FER: variants seen among roughly 807,000 people sequenced by gnomAD.
FER encodes FER tyrosine kinase, also known as tyrosine-protein kinase Fer.
FER carries 63 observed loss-of-function variants against 111.0 expected under a neutral mutation model. The observed-to-expected ratio is 0.57, with a 90% confidence interval of 0.46 to 0.70. The LOEUF is 0.70. FER is among the 30% of genes least tolerant of loss of function. The pLI, the probability that FER is intolerant of heterozygous loss-of-function variation, is 0.00. For synonymous variants in FER, 327 were observed against 313.9 expected (o/e 1.04, Z -0.44); for missense variants, 914 against 954.0 (o/e 0.96, Z 0.55).
chr5:109,125,813 G>A (rs1751641008), intron 17 of FER, among the ~76,000 whole-genome samples: 1 of 152,048 alleles, frequency 6.6e-6, no homozygotes, highest in Non-Finnish European at 1.5e-5. Flanking sequence ...AATAGTTTTA[G>A]AATAAGAACA....
chr5:109,169,905 G>A (rs1756930428), intron 17 of FER, among the ~76,000 whole-genome samples: 1 of 152,160 alleles, frequency 6.6e-6, no homozygotes, highest in Admixed American at 6.6e-5. Context: ...GTACAAAGAA[G>A]AAAATCTTGC....
chr5:109,026,065 A>G (rs1030745592), intron 13 of FER, among the ~76,000 whole-genome samples: 2 of 152,194 alleles, frequency 1.3e-5, no homozygotes, highest in Admixed American at 6.6e-5. Flanking sequence ...AAATATTCAT[A>G]TGTGTACAGA....
In FER at chr5:108,872,454, A is replaced by G. The variant is rs531020042; in HGVS notation, c.923+242A>G. On this transcript the variant is annotated intron_variant, in intron 8 of 19. Coordinates refer to ENST00000281092, the MANE Select transcript of FER (RefSeq NM_005246.4). ...TGCCCAATTGTTGCTAGTATTTGAC[A>G]TTGGAATAATGCTTTATGCTTTTCA... Among the ~76,000 whole-genome samples, 42 of 152,208 alleles carry G rather than the reference A, an allele frequency of 2.8e-4. 1 individual carries two copies. Among genetic ancestry groups the G allele is most frequent in the Middle Eastern group, 3.4e-3 (1 of 294 alleles).
chr5:109,010,751 G>A (rs1766157880), intron 13 of FER, among the ~76,000 whole-genome samples: 1 of 152,044 alleles, frequency 6.6e-6, no homozygotes, highest in Non-Finnish European at 1.5e-5. Flanking sequence ...AAGTCCTGCT[G>A]ACTATAAATT....
intron 13 of FER, among the ~76,000 whole-genome samples, chr5:108,977,122 T>C (rs1426579921): frequency 6.6e-6 from 1 of 152,190 alleles, no homozygotes; most frequent in African/African-American, 2.4e-5. Flanking sequence ...CTCACCACAA[T>C]AGCAGTGAGA....
chr5:108,959,118 G>A, intron 12 of FER, 107 bp from the exon 13 acceptor site: 3 of 1,117,622 alleles, frequency 2.7e-6, no homozygotes, highest in Non-Finnish European at 3.8e-6. Flanking sequence ...TATTCACATT[G>A]TTGTGCAATT....
At chr5:108,987,102 T>A (rs1561723274) in intron 13 of FER, among the ~76,000 whole-genome samples, 1 of 152,170 alleles carries the variant, frequency 6.6e-6, no homozygotes, top group African/African-American at 2.4e-5. Flanking sequence ...TCCATTTGTT[T>A]GTTTTTTCTG....
intron 17 of FER, among the ~76,000 whole-genome samples, chr5:109,109,947 A>G (rs1368289652): frequency 6.6e-6 from 1 of 152,154 alleles, no homozygotes; most frequent in Non-Finnish European, 1.5e-5. Context: ...TTTTAAACAT[A>G]GGGCTATACT....
intron 13 of FER, among the ~76,000 whole-genome samples, chr5:109,002,658 A>G (rs1200895871): frequency 6.6e-6 from 1 of 152,258 alleles, no homozygotes; most frequent in Non-Finnish European, 1.5e-5. Flanking sequence ...TGCACAGCAA[A>G]AGAAACTACT....
chr5:108,803,761 G>A (rs75944813), intron 3 of FER, among the ~76,000 whole-genome samples: 114 of 152,026 alleles, frequency 7.5e-4, no homozygotes, highest in Non-Finnish European at 9.1e-4. Flanking sequence ...TTGAACTTGC[G>A]TAACATCAAG....
At chr5:109,013,308 C>G (rs138812563) in intron 13 of FER, among the ~76,000 whole-genome samples, 17,259 of 147,170 alleles carry the variant, frequency 0.12, 1,349 homozygotes, top group Middle Eastern at 0.24. Context: ...CAATTCCCAC[C>G]TATGAGTGAG....
chr5:109,011,743 T>G lies in FER; in HGVS notation c.1657-25679T>G, dbSNP rs56129701. The stretch of plus-strand genomic sequence containing the variant: ...CTCATTCAAATTAAATCAAACCCAA[T>G]AAATCTACAGACCTGTGCAGATTCA... On this transcript the variant is annotated intron_variant, in intron 13 of 19. Transcript: ENST00000281092. 8.3e-3 allele frequency among the ~76,000 whole-genome samples: 1,261 copies of G among 152,332 alleles called. 19 individuals carry two copies. Among genetic ancestry groups the G allele is most frequent in the African/African-American group, 0.028 (1,180 of 41,588 alleles).
In FER at chr5:108,954,741, A is replaced by T; in HGVS notation, c.1342A>T (p.Ile448Phe). ...ATATTTGTTTAAGCTTTCTGATATG[A>T]TCTCCATCAGTGAGAAGCCTTTGGC... ...ALGSSALSDMISISEKPLAEQ... is the reference protein window; with the variant it reads ...ALGSSALSDMFSISEKPLAEQ... The change falls in exon 12 of 20, where the codon ATC (isoleucine) becomes TTC (phenylalanine). Residue 448 changes from isoleucine to phenylalanine, a missense_variant. Ile to Phe is a conservative substitution (Grantham distance 21). Transcript: ENST00000281092. 1 of 1,584,786 alleles carries T rather than the reference A, an allele frequency of 6.3e-7. No individual in the cohort carries two copies. The highest frequency in any genetic ancestry group is 2.3e-5 in the East Asian group (1 of 44,140).
intron 6 of FER, among the ~76,000 whole-genome samples, chr5:108,869,003 T>C (rs991300189): frequency 6.6e-6 from 1 of 152,032 alleles, no homozygotes; most frequent in African/African-American, 2.4e-5. Context: ...TTTTTTTTTG[T>C]GCATAAAATC....
Position 109,113,363 on chromosome 5 carries a change from AAT to A in FER, c.2048+12849_2048+12850del, listed in dbSNP as rs1749854753. Among the ~76,000 whole-genome samples, 3 of 152,264 alleles carry A rather than the reference AAT, an allele frequency of 2.0e-5. No individual in the cohort carries two copies. The South Asian group carries it at 6.2e-4, about 32-fold the overall frequency. On this transcript the variant is annotated intron_variant, in intron 17 of 19. Coordinates refer to ENST00000281092, the MANE Select transcript of FER (RefSeq NM_005246.4). ...GGTGTAGACTATATATACCTACTCA[AAT>A]ATATTTCTTTTTCTAATTTTTTAAA...
intron 14 of FER, 25 bp from the exon 15 acceptor site, chr5:109,044,655 A>C: frequency 8.4e-7 from 1 of 1,193,910 alleles, no homozygotes; most frequent in Non-Finnish European, 1.2e-6. Context: ...TTTACCCCAG[A>C]CAATGAATGT....
At chr5:108,750,280 A>AAG (rs397794117) in intron 1 of FER, among the ~76,000 whole-genome samples, 2 of 151,850 alleles carry the variant, frequency 1.3e-5, no homozygotes, top group Non-Finnish European at 2.9e-5. Context: ...AAAAAAAAAA[A>AAG]CTATTGCAAA....
intron 5 of FER, among the ~76,000 whole-genome samples, chr5:108,841,559 C>G (rs1435125957): frequency 6.6e-6 from 1 of 152,106 alleles, no homozygotes; most frequent in Non-Finnish European, 1.5e-5. Flanking sequence ...TACTGTTTGC[C>G]ATGATGTGCC....
intron 17 of FER, among the ~76,000 whole-genome samples, chr5:109,103,250 A>G (rs752520983): frequency 6.6e-6 from 1 of 152,170 alleles, no homozygotes; most frequent in Non-Finnish European, 1.5e-5. Flanking sequence ...TCTTCTTTAA[A>G]TTTTATATGA....
Sources: gnomAD v4.1 joint callset for allele counts (sites outside exome capture counted in the v4.1 genomes callset) on GRCh38, gnomAD v4.1.1 for gene constraint, MANE v1.5 for transcripts, NCBI Gene and HGNC (gene_info 2026-07-23, HGNC 2026-07-21) for gene names.